The following SMIM10L3 variants were observed in gnomAD, a reference collection of about 807,000 sequenced individuals.
SMIM10L3 encodes salivary gland specific protein SAGSIN1.
chr7:6,347,115 C>A, the SMIM10L3 span, among the ~76,000 whole-genome samples: 2 of 152,186 alleles, frequency 1.3e-5, no homozygotes, highest in African/African-American at 4.8e-5. Flanking sequence ...TCACTTGAGG[C>A]CAGAAGTTCA....
chr7:6,333,908 G>A, the SMIM10L3 span, among the ~76,000 whole-genome samples: 23 of 141,596 alleles, frequency 1.6e-4, no homozygotes, highest in Admixed American at 6.7e-4. Flanking sequence ...GTGCAGTGGC[G>A]CCATCTCAGC....
At chr7:6,330,643 G>A in the SMIM10L3 span, 1 of 1,614,120 alleles carries the variant, frequency 6.2e-7, no homozygotes, top group Non-Finnish European at 8.5e-7. Context: ...AGCACTTGGT[G>A]GGTCATCCTG....
chr7:6,335,708 T>C, the SMIM10L3 span, among the ~76,000 whole-genome samples: 1 of 152,164 alleles, frequency 6.6e-6, no homozygotes, highest in African/African-American at 2.4e-5. Flanking sequence ...ACTGATAGAA[T>C]TGTGACCATT....
chr7:6,330,398 C>T, the SMIM10L3 span: 1 of 1,613,160 alleles, frequency 6.2e-7, no homozygotes, highest in Middle Eastern at 1.7e-4. Flanking sequence ...AATGTATTTG[C>T]TAATTCAAAA....
chr7:6,340,878 G>A, the SMIM10L3 span, among the ~76,000 whole-genome samples: 13 of 123,400 alleles, frequency 1.1e-4, no homozygotes, highest in Non-Finnish European at 1.7e-4. Flanking sequence ...CAGCCTGGGC[G>A]ACAGAGTGAG....
At chr7:6,331,160 G>C in the SMIM10L3 span, 6 of 1,607,448 alleles carry the variant, frequency 3.7e-6, no homozygotes, top group South Asian at 4.4e-5. Context: ...CTCATGCTTC[G>C]TGTTCTTGGA....
the SMIM10L3 span, among the ~76,000 whole-genome samples, chr7:6,341,168 G>A: frequency 6.8e-6 from 1 of 147,270 alleles, no homozygotes; most frequent in East Asian, 2.1e-4. Context: ...GTGCTGGCCA[G>A]GCACAGTGGC....
chr7:6,331,107 C>T, the SMIM10L3 span: 1 of 1,613,378 alleles, frequency 6.2e-7, no homozygotes, highest in South Asian at 1.1e-5. Context: ...CTCCGGCCTG[C>T]TGCACTTGTG....
At chr7:6,348,884 G>T in the SMIM10L3 span, 26 of 388,398 alleles carry the variant, frequency 6.7e-5, no homozygotes, top group Middle Eastern at 1.3e-3. Flanking sequence ...GGGCGGGCGG[G>T]CCGCAGTGGA....
At chr7:6,330,421 A>C in the SMIM10L3 span, 73 of 1,614,122 alleles carry the variant, frequency 4.5e-5, no homozygotes, top group Middle Eastern at 1.6e-4. Flanking sequence ...TTGCAGAGCC[A>C]GTAACCCCAG....
the SMIM10L3 span, among the ~76,000 whole-genome samples, chr7:6,336,188 A>AT: frequency 1.3e-5 from 2 of 150,462 alleles, no homozygotes; most frequent in Admixed American, 6.7e-5. Flanking sequence ...AAAAAAAAAA[A>AT]TTAAAAGATT....
chr7:6,348,666 C>G, the SMIM10L3 span: 1 of 508,326 alleles, frequency 2.0e-6, no homozygotes, highest in South Asian at 3.0e-5. Context: ...AGATGAGCAG[C>G]GTGCGAGTCA....
chr7:6,333,853 T>G, the SMIM10L3 span, among the ~76,000 whole-genome samples: 6 of 148,048 alleles, frequency 4.1e-5, no homozygotes, highest in Non-Finnish European at 7.5e-5. Flanking sequence ...TTTTTTTTTT[T>G]TTTTTTTTGA....
chr7:6,331,259 G>C, the SMIM10L3 span: 1 of 1,193,308 alleles, frequency 8.4e-7, no homozygotes, highest in Non-Finnish European at 1.2e-6. Context: ...TCAAATTAAA[G>C]TTCTAAAATG....
the SMIM10L3 span, among the ~76,000 whole-genome samples, chr7:6,342,791 C>T: frequency 1.3e-5 from 2 of 151,992 alleles, no homozygotes; most frequent in Non-Finnish European, 2.9e-5. Flanking sequence ...AATCTCAGCA[C>T]TTTGGGAGGC....
the SMIM10L3 span, chr7:6,330,524 T>G: frequency 4.3e-6 from 7 of 1,614,120 alleles, no homozygotes; most frequent in Non-Finnish European, 5.9e-6. Context: ...TCAAGGAAAA[T>G]GCGTTTTGTC....
At chr7:6,343,096 G>A in the SMIM10L3 span, among the ~76,000 whole-genome samples, 2 of 151,278 alleles carry the variant, frequency 1.3e-5, no homozygotes, top group Admixed American at 6.6e-5. Context: ...GAAAAAATTG[G>A]CCAGGTGCAG....
chr7:6,334,475 C>CA, the SMIM10L3 span, among the ~76,000 whole-genome samples: 6 of 151,658 alleles, frequency 4.0e-5, no homozygotes, highest in African/African-American at 1.2e-4. Context: ...GGCTCTGTCT[C>CA]AAAAAAAGAA....
At chr7:6,341,502 G>T in the SMIM10L3 span, among the ~76,000 whole-genome samples, 1 of 149,488 alleles carries the variant, frequency 6.7e-6, no homozygotes, top group Non-Finnish European at 1.5e-5. Flanking sequence ...GGCTAACGTG[G>T]TGAAACCCTG....
Sources: gnomAD v4.1 joint callset for allele counts (sites outside exome capture counted in the v4.1 genomes callset) on GRCh38, gnomAD v4.1.1 for gene constraint, MANE v1.5 for transcripts, NCBI Gene and HGNC (gene_info 2026-07-23, HGNC 2026-07-21) for gene names.